The following SPPL3 variants were observed in gnomAD, a reference collection of about 807,000 sequenced individuals.
SPPL3 encodes the protein signal peptide peptidase like 3.
Under a neutral mutation model 42.4 loss-of-function variants are expected in SPPL3, and 5 were observed. The ratio of observed to expected loss-of-function variants is 0.12; its 90% CI spans 0.06 to 0.25. The LOEUF is 0.25. SPPL3 is among the 10% of genes least tolerant of loss of function. The pLI is 1.00. For missense variants in SPPL3, 235 were observed against 489.0 expected, an observed-to-expected ratio of 0.48 and a Z score of 4.90; for synonymous variants, 195 against 181.8, an observed-to-expected ratio of 1.07 and a Z score of -0.58.
At chr12:120,899,759 G>A in intron 1 of SPPL3, among the ~76,000 whole-genome samples, 1 of 151,822 alleles carries the variant, frequency 6.6e-6, no homozygotes, top group East Asian at 1.9e-4. Context: ...CGGGCATGGT[G>A]GTACACGCCT....
chr12:120,904,067 C>A lies in SPPL3; in HGVS notation c.-200G>T. The A allele has an allele frequency of 2.9e-6, 1 of 343,660 alleles. No individual in the cohort carries two copies. The highest frequency in any genetic ancestry group is 1.3e-4 in the South Asian group (1 of 7,592). The allele number at this position is 343,660 out of a possible 1,614,324, so 21.3% of individuals were successfully genotyped here. Reference sequence around the variant, plus strand: ...CCGAAGCGGCCCCGCTCCCTGGGCCCCGGGGCGGGGCGGGCTCCGCTCTCG... The same window carrying A: ...CCGAAGCGGCCCCGCTCCCTGGGCCACGGGGCGGGGCGGGCTCCGCTCTCG... On this transcript the variant is annotated 5_prime_UTR_variant, in exon 1 of 11. Coordinates refer to ENST00000353487, the MANE Select transcript of SPPL3 (RefSeq NM_139015.5).
intron 1 of SPPL3, among the ~76,000 whole-genome samples, chr12:120,880,765 C>A (rs1340153356): frequency 1.3e-5 from 2 of 150,582 alleles, no homozygotes; most frequent in East Asian, 2.0e-4. Flanking sequence ...CTAGCCTGGG[C>A]GACAGAGAGA....
intron 2 of SPPL3, among the ~76,000 whole-genome samples, chr12:120,799,725 A>C (rs1870224998): frequency 1.3e-5 from 2 of 152,232 alleles, no homozygotes. Context: ...TCACCGCTGC[A>C]CAAAACAGAA....
At position 120,789,824 on chromosome 12, in the gene SPPL3, C is replaced by CAAAAAAAA. The variant is rs3050392; in HGVS notation, c.190+1637_190+1644dup. ...TGAATGACAGAGCAAGACTCCGTCT[C>CAAAAAAAA]AAAAAAAAAAAAAAAAAAAAAAAAA... On this transcript the variant is annotated intron_variant, in intron 3 of 10. Transcript: ENST00000353487. Among the ~76,000 whole-genome samples, 126 of 30,460 alleles carry CAAAAAAAA rather than the reference C, an allele frequency of 4.1e-3. 19 individuals carry two copies. Among genetic ancestry groups the CAAAAAAAA allele is most frequent in the African/African-American group, 0.012 (108 of 9,000 alleles). The allele number at this position is 30,460 out of a possible 152,430, so 20.0% of individuals were successfully genotyped here.
intron 1 of SPPL3, among the ~76,000 whole-genome samples, chr12:120,845,862 CTAT>C (rs1872016433): frequency 1.5e-4 from 5 of 32,860 alleles, no homozygotes; most frequent in African/African-American, 6.4e-4. Context: ...AATCCATTAT[CTAT>C]CTATCTATCT....
chr12:120,893,153 G>A (rs1298756030), intron 1 of SPPL3, among the ~76,000 whole-genome samples: 1 of 151,120 alleles, frequency 6.6e-6, no homozygotes, highest in African/African-American at 2.4e-5. Context: ...TGAAACTACA[G>A]TAAAAAAAAA....
intron 3 of SPPL3, among the ~76,000 whole-genome samples, chr12:120,791,060 T>C (rs1030797110): frequency 2.6e-5 from 4 of 152,056 alleles, no homozygotes; most frequent in Admixed American, 2.6e-4. Flanking sequence ...CCTCAAGTGA[T>C]CTGCCTACCT....
At chr12:120,814,977 TTTTTG>T (rs199854710) in intron 1 of SPPL3, among the ~76,000 whole-genome samples, 28 of 151,002 alleles carry the variant, frequency 1.9e-4, no homozygotes, top group African/African-American at 4.9e-4. Flanking sequence ...TGCCCCACAG[TTTTTG>T]TTTTGTTTTG....
intron 1 of SPPL3, among the ~76,000 whole-genome samples, chr12:120,877,966 G>A (rs1203319268): frequency 6.6e-6 from 1 of 150,926 alleles, no homozygotes; most frequent in Non-Finnish European, 1.5e-5. Context: ...AGGTTGCAGT[G>A]AGCCACTGCA....
At chr12:120,879,984 T>C (rs1291545612) in intron 1 of SPPL3, among the ~76,000 whole-genome samples, 1 of 151,382 alleles carries the variant, frequency 6.6e-6, no homozygotes. Flanking sequence ...CTTTTATCTT[T>C]TTTTTTTTTT....
At chr12:120,775,042 C>A (rs750390131) in intron 6 of SPPL3, among the ~76,000 whole-genome samples, 3 of 152,194 alleles carry the variant, frequency 2.0e-5, no homozygotes, top group African/African-American at 4.8e-5. Flanking sequence ...ATGTTCTCTA[C>A]GAGGATGACA....
At chr12:120,848,234 G>A (rs1872108093) in intron 1 of SPPL3, among the ~76,000 whole-genome samples, 1 of 152,188 alleles carries the variant, frequency 6.6e-6, no homozygotes, top group African/African-American at 2.4e-5. Flanking sequence ...AAGCAAAGTT[G>A]TATTTGCAGT....
At chr12:120,878,943 G>A (rs1372249383) in intron 1 of SPPL3, among the ~76,000 whole-genome samples, 4 of 151,522 alleles carry the variant, frequency 2.6e-5, no homozygotes, top group African/African-American at 9.7e-5. Flanking sequence ...GAGAAACCCC[G>A]TCTCTACATA....
At chr12:120,779,710 C>G (rs564107065) in intron 6 of SPPL3, among the ~76,000 whole-genome samples, 230 of 151,370 alleles carry the variant, frequency 1.5e-3, no homozygotes, top group Non-Finnish European at 2.9e-3. Context: ...GCGGTGGGCT[C>G]ACGCCTGTAA....
intron 1 of SPPL3, among the ~76,000 whole-genome samples, chr12:120,839,113 G>C (rs1436575940): frequency 6.6e-6 from 1 of 151,850 alleles, no homozygotes; most frequent in African/African-American, 2.4e-5. Flanking sequence ...CAACCCAAAT[G>C]TCCAACAATG....
At chr12:120,778,524 C>A (rs1040286584) in intron 6 of SPPL3, among the ~76,000 whole-genome samples, 41 of 152,036 alleles carry the variant, frequency 2.7e-4, no homozygotes, top group African/African-American at 9.9e-4. Flanking sequence ...GGTCACATCA[C>A]CCCCAAAACC....
rs752356142 is a variant in SPPL3, at chr12:120,803,778, C to A, written c.101+7031G>T. On this transcript the variant is annotated intron_variant, in intron 2 of 10. Coordinates refer to ENST00000353487, the MANE Select transcript of SPPL3 (RefSeq NM_139015.5). ...ATATATAAAAAAACTTGTCTACACACGCTGCAATGGACAAAATCATTCCCT... is the reference window on the plus strand; with the variant it reads ...ATATATAAAAAAACTTGTCTACACAAGCTGCAATGGACAAAATCATTCCCT... Among the ~76,000 whole-genome samples, 96 of 152,076 alleles carry A rather than the reference C, an allele frequency of 6.3e-4. 2 individuals carry two copies. The highest frequency in any genetic ancestry group is 2.8e-4 in the Non-Finnish European group (19 of 68,010).
chr12:120,764,458 G>GTCACTTCACACCACAGAAAATATTTA lies in SPPL3; in HGVS notation c.*515_*540dup, dbSNP rs1332431315. On this transcript the variant is annotated 3_prime_UTR_variant, in exon 11 of 11. Transcript: ENST00000353487. Reference sequence around the variant, plus strand: ...CACTCAATGTCTGTGGATTTAATAAGTCACTTCACACCACAGAAAATATTT... The same window carrying GTCACTTCACACCACAGAAAATATTTA: ...CACTCAATGTCTGTGGATTTAATAAGTCACTTCACACCACAGAAAATATTTATCACTTCACACCACAGAAAATATTT... 1 of 156,646 alleles carries GTCACTTCACACCACAGAAAATATTTA rather than the reference G, an allele frequency of 6.4e-6. No homozygotes were observed. The highest frequency in any genetic ancestry group is 1.4e-5 in the Non-Finnish European group (1 of 71,090). The allele number at this position is 156,646 out of a possible 1,614,324, so 9.7% of individuals were successfully genotyped here.
intron 1 of SPPL3, among the ~76,000 whole-genome samples, chr12:120,863,770 T>C (rs1247767496): frequency 6.6e-6 from 1 of 151,330 alleles, no homozygotes. Flanking sequence ...ACCTCCCAAG[T>C]AGCTAGGCCC....
Sources: gnomAD v4.1 joint callset for allele counts (sites outside exome capture counted in the v4.1 genomes callset) on GRCh38, gnomAD v4.1.1 for gene constraint, MANE v1.5 for transcripts, NCBI Gene and HGNC (gene_info 2026-07-23, HGNC 2026-07-21) for gene names.